Variants in EDIL3 observed in about 807,000 individuals in gnomAD.
EDIL3 encodes the protein EGF-like repeat and discoidin I-like domain-containing protein 3.
In EDIL3, 37 loss-of-function variants were observed where a neutral mutation model predicts 67.4. That is an observed-to-expected ratio of 0.55 (90% CI 0.42 to 0.72). The LOEUF (loss-of-function observed/expected upper bound fraction) is 0.72, where lower values mean the gene tolerates loss of function less well. EDIL3 is among the 30% of genes least tolerant of loss of function. The probability of loss-of-function intolerance (pLI) is 0.00; values close to 1 mark genes in which losing one functional copy is unlikely to be tolerated. For synonymous variants in EDIL3, 195 were observed against 196.3 expected (o/e 0.99, Z 0.05); for missense variants, 527 against 586.3 (o/e 0.90, Z 1.04).
At chr5:84,171,132 A>G (rs1748804503) in intron 4 of EDIL3, among the ~76,000 whole-genome samples, 1 of 152,130 alleles carries the variant, frequency 6.6e-6, no homozygotes, top group Admixed American at 6.6e-5. Flanking sequence ...TAATATAAAT[A>G]TACTACCTTC....
At chr5:84,187,409 T>C (rs1743484842) in intron 3 of EDIL3, among the ~76,000 whole-genome samples, 1 of 152,088 alleles carries the variant, frequency 6.6e-6, no homozygotes, top group African/African-American at 2.4e-5. Context: ...CACAAGCAGA[T>C]TATTAGAAAG....
At chr5:84,246,824 A>C (rs1302307960) in intron 2 of EDIL3, among the ~76,000 whole-genome samples, 1 of 152,182 alleles carries the variant, frequency 6.6e-6, no homozygotes. Flanking sequence ...ATTATTAATA[A>C]AGCAGAAATA....
intron 2 of EDIL3, among the ~76,000 whole-genome samples, chr5:84,230,836 T>C (rs928518111): frequency 1.4e-5 from 2 of 144,052 alleles, no homozygotes; most frequent in African/African-American, 5.1e-5. Flanking sequence ...CACTTCAAAA[T>C]TTAGTAGTGA....
At chr5:84,217,768 T>C (rs1180314298) in intron 3 of EDIL3, among the ~76,000 whole-genome samples, 1 of 111,630 alleles carries the variant, frequency 9.0e-6, no homozygotes, top group South Asian at 3.1e-4. Context: ...ACACACATCC[T>C]TCTGGTTCTG....
chr5:84,232,746 G>C (rs559117377), intron 2 of EDIL3, among the ~76,000 whole-genome samples: 3 of 152,236 alleles, frequency 2.0e-5, no homozygotes, highest in African/African-American at 7.2e-5. Context: ...CACTCATGAA[G>C]GCATATACAC....
At chr5:84,321,577 T>TCTCAAC (rs1241843618) in intron 1 of EDIL3, among the ~76,000 whole-genome samples, 2 of 152,232 alleles carry the variant, frequency 1.3e-5, no homozygotes, top group African/African-American at 4.8e-5. Flanking sequence ...AGCTCCTCAT[T>TCTCAAC]CTCAACCCTC....
chr5:84,219,006 AC>A (rs1257161400), intron 3 of EDIL3, among the ~76,000 whole-genome samples: 1 of 152,166 alleles, frequency 6.6e-6, no homozygotes, highest in East Asian at 1.9e-4. Flanking sequence ...CCTTTAGCAA[AC>A]ATACAAGGTA....
intron 1 of EDIL3, among the ~76,000 whole-genome samples, chr5:84,298,559 C>G (rs1290878843): frequency 6.6e-6 from 1 of 152,054 alleles, no homozygotes; most frequent in Non-Finnish European, 1.5e-5. Flanking sequence ...GTGCAGTAAA[C>G]CACCATGGCA....
intron 5 of EDIL3, among the ~76,000 whole-genome samples, chr5:84,132,295 T>TTTATATATAATATATA (rs1747983134): frequency 1.0e-5 from 1 of 97,156 alleles, no homozygotes; most frequent in African/African-American, 4.0e-5. Context: ...TAGTATATAT[T>TTTATATATAATATATA]TTATATATAA....
At chr5:84,118,134 G>A (rs1328164881) in intron 5 of EDIL3, among the ~76,000 whole-genome samples, 1 of 151,984 alleles carries the variant, frequency 6.6e-6, no homozygotes, top group Non-Finnish European at 1.5e-5. Context: ...ACATTAGTAA[G>A]AAAGTATCTC....
At chr5:84,158,834 G>A (rs922444547) in intron 4 of EDIL3, among the ~76,000 whole-genome samples, 1 of 151,954 alleles carries the variant, frequency 6.6e-6, no homozygotes, top group Non-Finnish European at 1.5e-5. Context: ...TAAAACCTGA[G>A]GTTAAGAAAT....
At chr5:83,960,258 T>A (rs1418463248) in intron 10 of EDIL3, among the ~76,000 whole-genome samples, 2 of 151,186 alleles carry the variant, frequency 1.3e-5, no homozygotes, top group African/African-American at 4.8e-5. Flanking sequence ...CATTAAAAAA[T>A]TTTACATTAT....
chr5:84,086,410 T>TC (rs1406101860), intron 6 of EDIL3, among the ~76,000 whole-genome samples: 1 of 152,044 alleles, frequency 6.6e-6, no homozygotes, highest in Non-Finnish European at 1.5e-5. Flanking sequence ...GGAGGGCAGG[T>TC]CCCCCGGCTC....
intron 10 of EDIL3, among the ~76,000 whole-genome samples, chr5:83,946,038 C>T (rs1463262575): frequency 6.6e-6 from 1 of 151,926 alleles, no homozygotes; most frequent in Non-Finnish European, 1.5e-5. Flanking sequence ...CTTAAGAATG[C>T]CACCTAAATA....
chr5:84,362,090 A>T (rs1490999592), intron 1 of EDIL3, among the ~76,000 whole-genome samples: 1 of 152,110 alleles, frequency 6.6e-6, no homozygotes, highest in Non-Finnish European at 1.5e-5. Context: ...ATGCCAAAGA[A>T]ACCCAGTTTT....
At chr5:84,111,212 G>A (rs1483991395) in intron 5 of EDIL3, among the ~76,000 whole-genome samples, 2 of 152,112 alleles carry the variant, frequency 1.3e-5, no homozygotes, top group South Asian at 2.1e-4. Context: ...GTGGAATGGT[G>A]AGTCAATTAA....
chr5:84,056,214 C>T (rs1165419803), intron 9 of EDIL3, among the ~76,000 whole-genome samples: 3 of 151,930 alleles, frequency 2.0e-5, no homozygotes, highest in Non-Finnish European at 4.4e-5. Flanking sequence ...AGCAAACTAT[C>T]GCAAGGACAA....
chr5:84,279,244 T>C (rs1185251164), intron 1 of EDIL3, among the ~76,000 whole-genome samples: 3 of 152,180 alleles, frequency 2.0e-5, no homozygotes, highest in East Asian at 3.9e-4. Flanking sequence ...TATATGTGGG[T>C]AATCACATCA....
At chr5:83,967,699 A>G (rs752982143) in intron 9 of EDIL3, among the ~76,000 whole-genome samples, 13 of 152,168 alleles carry the variant, frequency 8.5e-5, no homozygotes, top group Non-Finnish European at 1.3e-4. Flanking sequence ...TTCATTTCAG[A>G]CATCTGCACA....
Sources: gnomAD v4.1 joint callset for allele counts (sites outside exome capture counted in the v4.1 genomes callset) on GRCh38, gnomAD v4.1.1 for gene constraint, MANE v1.5 for transcripts, NCBI Gene and HGNC (gene_info 2026-07-23, HGNC 2026-07-21) for gene names.